SMO: variants seen among roughly 807,000 people sequenced by gnomAD.
The protein encoded by SMO is smoothened, frizzled class receptor, also known as protein smoothened.
SMO carries 40 observed loss-of-function variants against 81.6 expected under a neutral mutation model. The ratio of observed to expected loss-of-function variants is 0.49; its 90% CI spans 0.38 to 0.64. SMO has a LOEUF of 0.64. SMO is among the 30% of genes least tolerant of loss of function. The pLI, the probability that SMO is intolerant of heterozygous loss-of-function variation, is 0.00. For synonymous variants in SMO, 434 were observed against 432.1 expected, an observed-to-expected ratio of 1.00 and a Z score of -0.05; for missense variants, 916 against 1,061.1, an observed-to-expected ratio of 0.86 and a Z score of 1.90.
In SMO at chr7:129,205,940, T is replaced by C. The variant is rs570960500; in HGVS notation, c.920+158T>C. Among the ~76,000 whole-genome samples, 4 of 152,320 alleles carry C rather than the reference T, an allele frequency of 2.6e-5. No homozygotes were observed. In the South Asian group the frequency reaches 8.3e-4, roughly 32 times the overall value. ...TGCAAGATCTCCAGTGTTAGGATCT[T>C]AGTTTCAGAATCAGGACCTTCATGG... On this transcript the variant is annotated intron_variant, in intron 4 of 11. Coordinates refer to ENST00000249373, the MANE Select transcript of SMO (RefSeq NM_005631.5).
intron 1 of SMO, among the ~76,000 whole-genome samples, chr7:129,191,893 G>A (rs150483082): frequency 6.0e-4 from 91 of 152,318 alleles, no homozygotes; most frequent in African/African-American, 2.2e-3. Flanking sequence ...TGCTGCGCAT[G>A]TAAGGATGAA....
At chr7:129,209,245 G>C (rs1793824039) in intron 7 of SMO, 44 bp from the exon 8 acceptor site, 4 of 1,177,284 alleles carry the variant, frequency 3.4e-6, no homozygotes, top group African/African-American at 1.5e-5. Flanking sequence ...TGCTGCTGCG[G>C]GACTGGGCTT....
Position 129,189,230 on chromosome 7 carries a change from G to C in SMO, c.79G>C (p.Gly27Arg), listed in dbSNP as rs945565546. The C allele has an allele frequency of 8.4e-7, 1 of 1,191,488 alleles. No homozygotes were observed. Among genetic ancestry groups the C allele is most frequent in the Non-Finnish European group, 1.0e-6 (1 of 952,594 alleles). The allele number at this position is 1,191,488 out of a possible 1,614,324, so 73.8% of individuals were successfully genotyped here. A position where few individuals can be genotyped will look rare whatever the true frequency, so the allele number is the denominator to read the frequency against. ...GCTGCTGCTGCTGCTGGGGGACCCG[G>C]GCCGGGGGGCGGCCTCGAGCGGGAA... is the stretch of plus-strand genomic sequence containing the variant. ...LLLLLLLGDP[G>R]RGAASSGNAT... Residue 27 changes from glycine (G) to arginine (R), a missense_variant, in exon 1 of 12, where the codon GGC becomes CGC. Physicochemically the swap from Gly to Arg is moderately radical, Grantham distance 125. This residue lies in a region of SMO where 146 missense variants were observed against 149.9 expected (regional missense o/e 0.97). Transcript: ENST00000249373. The surrounding 1 kb of genome is among the most constrained non-coding windows in gnomAD (Gnocchi z 4.7).
rs563354752 is a variant in SMO, at chr7:129,210,624, G to A, written c.1652+76G>A. ...TGGGACCCCATCTTTAGGTTTTGTCGGGTCCTGCCTCTAGCACAGCCTTGG... is the reference window on the plus strand; with the variant it reads ...TGGGACCCCATCTTTAGGTTTTGTCAGGTCCTGCCTCTAGCACAGCCTTGG... On this transcript the variant is annotated intron_variant, in intron 9 of 11. Coordinates refer to ENST00000249373, the MANE Select transcript of SMO (RefSeq NM_005631.5). This position sits in a 1 kb window ranked among gnomAD's most constrained non-coding sequence, Gnocchi z 4.7. 1.3e-4 allele frequency: 164 copies of A among 1,223,312 alleles called. No individual in the cohort carries two copies. The East Asian group carries it at 2.9e-3, about 22-fold the overall frequency. 75.8% of individuals were successfully genotyped at this position (1,223,312 alleles called of 1,614,324 possible). A position where few individuals can be genotyped will look rare whatever the true frequency, so the allele number is the denominator to read the frequency against.
rs1340325396 is a variant in SMO at position 129,189,660 on chromosome 7, T to G, written c.331+178T>G. Among the ~76,000 whole-genome samples, 1 of 151,926 alleles carries G rather than the reference T, an allele frequency of 6.6e-6. No homozygotes were observed. Among genetic ancestry groups the G allele is most frequent in the East Asian group, 1.9e-4 (1 of 5,174 alleles). The stretch of plus-strand genomic sequence containing the variant: ...GTTACGTGCAGGATGGGACCCTCGG[T>G]CATGGGAAAAGGAGGGCAAGGAAGT... On this transcript the variant is annotated intron_variant, in intron 1 of 11. Coordinates refer to ENST00000249373, the MANE Select transcript of SMO (RefSeq NM_005631.5). This position sits in a 1 kb window ranked among gnomAD's most constrained non-coding sequence, Gnocchi z 4.7.
chr7:129,209,248 C>A (rs2150652678), intron 7 of SMO, 41 bp from the exon 8 acceptor site: 1 of 1,216,536 alleles, frequency 8.2e-7, no homozygotes, highest in Non-Finnish European at 1.2e-6. Context: ...TGCTGCGGGA[C>A]TGGGCTTGGT....
chr7:129,190,104 C>A (rs1793460399), intron 1 of SMO, among the ~76,000 whole-genome samples: 1 of 152,192 alleles, frequency 6.6e-6, no homozygotes, highest in South Asian at 2.1e-4. Context: ...GTTTGTGCAT[C>A]TGAAAAACCG....
intron 1 of SMO, among the ~76,000 whole-genome samples, chr7:129,200,845 T>A (rs1793657006): frequency 6.6e-6 from 1 of 152,212 alleles, no homozygotes; most frequent in Admixed American, 6.5e-5. Flanking sequence ...AAGCAATTCT[T>A]CTGCCTCAGC....
chr7:129,210,515 C>T lies in SMO; in HGVS notation c.1619C>T (p.Ala540Val), dbSNP rs778791846. 2.5e-6 allele frequency: 4 copies of T among 1,614,146 alleles called. No homozygotes were observed. In the East Asian group the frequency reaches 8.9e-5, roughly 36 times the overall value. The change falls in exon 9 of 12, where the codon GCC becomes GTC. Residue 540 changes from alanine (A) to valine (V), a missense_variant. By Grantham distance (64) the Ala-to-Val change is moderately conservative. Coordinates refer to ENST00000249373, the MANE Select transcript of SMO (RefSeq NM_005631.5). This position sits in a 1 kb window ranked among gnomAD's most constrained non-coding sequence, Gnocchi z 4.7. The part of the protein sequence containing the change: ...IAMSTWVWTK[A>V]TLLIWRRTWC... ...ATGAGCACCTGGGTCTGGACCAAGGCCACGCTGCTCATCTGGAGGCGTACC... is the reference window on the plus strand; with the variant it reads ...ATGAGCACCTGGGTCTGGACCAAGGTCACGCTGCTCATCTGGAGGCGTACC...
At position 129,206,345 on chromosome 7, in the gene SMO, T is replaced by C. The variant is rs2150650325; in HGVS notation, c.1116T>C (p.Thr372=). The change falls in exon 5 of 12, where the codon ACT becomes ACC. Residue 372 remains threonine, a synonymous_variant. Coordinates refer to ENST00000249373, the MANE Select transcript of SMO (RefSeq NM_005631.5). The surrounding 1 kb of genome is among the most constrained non-coding windows in gnomAD (Gnocchi z 4.4). ...CCTGGTCACTCCCCTTTGTCCTCAC[T>C]GTGGCAATCCTTGCTGTGGCGCAGG... is the stretch of plus-strand genomic sequence containing the variant. ...LLTWSLPFVL[T]VAILAVAQVD... The C allele has an allele frequency of 6.2e-7, 1 of 1,614,188 alleles. No homozygotes were observed. The highest frequency in any genetic ancestry group is 8.5e-7 in the Non-Finnish European group (1 of 1,180,038).
intron 1 of SMO, among the ~76,000 whole-genome samples, chr7:129,201,881 T>TTA (rs1793676423): frequency 6.6e-6 from 1 of 151,624 alleles, no homozygotes; most frequent in Non-Finnish European, 1.5e-5. Context: ...GGGTTTCACC[T>TTA]TGTTGGCCAG....
chr7:129,197,864 A>G (rs902954106), intron 1 of SMO, among the ~76,000 whole-genome samples: 1 of 152,220 alleles, frequency 6.6e-6, no homozygotes, highest in Non-Finnish European at 1.5e-5. Context: ...TTGACTAGTC[A>G]TCAGAATCAC....
chr7:129,196,151 C>T (rs993109103), intron 1 of SMO, among the ~76,000 whole-genome samples: 7 of 150,828 alleles, frequency 4.6e-5, no homozygotes, highest in South Asian at 2.1e-4. Context: ...TTATGTACTG[C>T]GATGTGTTGC....
chr7:129,212,865 C>G lies in SMO; in HGVS notation c.*414C>G, dbSNP rs1449704903. On this transcript the variant is annotated 3_prime_UTR_variant, in exon 12 of 12. Coordinates refer to ENST00000249373, the MANE Select transcript of SMO (RefSeq NM_005631.5). The surrounding 1 kb of genome is among the most constrained non-coding windows in gnomAD (Gnocchi z 5.0). ...GCAGATGAGGGCTGGCTGCCGTTTTCTGGGCTGATGGGTGCCCTTTCCTGG... is the reference window on the plus strand; with the variant it reads ...GCAGATGAGGGCTGGCTGCCGTTTTGTGGGCTGATGGGTGCCCTTTCCTGG... 3.4e-6 allele frequency: 1 copy of G among 294,636 alleles called. No homozygotes were observed. Among genetic ancestry groups the G allele is most frequent in the Non-Finnish European group, 6.3e-6 (1 of 157,930 alleles). The allele number at this position is 294,636 out of a possible 1,614,324, so 18.3% of individuals were successfully genotyped here. A position where few individuals can be genotyped will look rare whatever the true frequency, so the allele number is the denominator to read the frequency against.
chr7:129,190,618 C>T (rs992018782), intron 1 of SMO, among the ~76,000 whole-genome samples: 6 of 152,216 alleles, frequency 3.9e-5, no homozygotes, highest in Non-Finnish European at 8.8e-5. Flanking sequence ...TTGACAAGTT[C>T]TCGGCCTTTG....
At chr7:129,193,785 A>AATTTATAT (rs1793519884) in intron 1 of SMO, among the ~76,000 whole-genome samples, 1 of 26,348 alleles carries the variant, frequency 3.8e-5, no homozygotes, top group Non-Finnish European at 6.3e-5. Flanking sequence ...AAAAAAAAAA[A>AATTTATAT]ATATATATAT....
chr7:129,197,654 C>T (rs886829547), intron 1 of SMO, among the ~76,000 whole-genome samples: 8 of 152,206 alleles, frequency 5.3e-5, no homozygotes, highest in Non-Finnish European at 1.0e-4. Context: ...ATTTCCTGAC[C>T]GTGTGATCCG....
Position 129,189,553 on chromosome 7 carries a change from C to G in SMO, c.331+71C>G. 1 of 1,491,908 alleles carries G rather than the reference C, an allele frequency of 6.7e-7. No individual in the cohort carries two copies. Among genetic ancestry groups the G allele is most frequent in the African/African-American group, 1.4e-5 (1 of 71,782 alleles). 92.4% of individuals were successfully genotyped at this position (1,491,908 alleles called of 1,614,324 possible). On this transcript the variant is annotated intron_variant, in intron 1 of 11. Coordinates refer to ENST00000249373, the MANE Select transcript of SMO (RefSeq NM_005631.5). The surrounding 1 kb of genome is among the most constrained non-coding windows in gnomAD (Gnocchi z 4.7). ...AAGATGGGGGCACCCTTGGAAAGAACAGGCTCAGGCCTGAGTTTTGGAGAG... is the reference window on the plus strand; with the variant it reads ...AAGATGGGGGCACCCTTGGAAAGAAGAGGCTCAGGCCTGAGTTTTGGAGAG...
Position 129,205,222 on chromosome 7 carries a change from A to C in SMO, c.557A>C (p.Lys186Thr). 6.2e-7 allele frequency: 1 copy of C among 1,614,136 alleles called. No individual in the cohort carries two copies. Among genetic ancestry groups the C allele is most frequent in the Non-Finnish European group, 8.5e-7 (1 of 1,179,996 alleles). The change falls in exon 3 of 12, where the codon AAG (lysine) becomes ACG (threonine). Residue 186 changes from lysine to threonine, a missense_variant. Physicochemically the swap from Lys to Thr is moderately conservative, Grantham distance 78 (BLOSUM62 -1). Transcript: ENST00000249373. The part of the protein sequence containing the change: ...EGCTNEVQNI[K>T]FNSSGQCEVP... The stretch of plus-strand genomic sequence containing the variant: ...TGCCAGAATGAGGTGCAGAACATCA[A>C]GTTCAACAGTTCAGGCCAGTGCGAA...
Sources: allele counts gnomAD v4.1 joint callset (sites outside exome capture counted in the v4.1 genomes callset), GRCh38; gene constraint gnomAD v4.1.1; regional missense constraint gnomAD v4.1.1; non-coding constraint Gnocchi (gnomAD v3.1); transcripts MANE v1.5; gene names NCBI Gene and HGNC (gene_info 2026-07-23, HGNC 2026-07-21).